Variants in KCNMB3 observed in about 807,000 individuals in gnomAD.
KCNMB3 encodes the protein calcium-activated potassium channel subunit beta-3.
Under a neutral mutation model 11.9 loss-of-function variants are expected in KCNMB3, and 18 were observed. The ratio of observed to expected loss-of-function variants is 1.51; its 90% CI spans 1.04 to 2.23. The LOEUF (loss-of-function observed/expected upper bound fraction) is 2.23, where lower values mean the gene tolerates loss of function less well. Among genes scored for constraint, KCNMB3 ranks in the 30% most tolerant of loss-of-function variants. The probability of loss-of-function intolerance (pLI) is 0.00; values close to 1 mark genes in which losing one functional copy is unlikely to be tolerated. For missense variants in KCNMB3, 247 were observed against 329.4 expected, an observed-to-expected ratio of 0.75 and a Z score of 1.94; for synonymous variants, 78 against 119.2, an observed-to-expected ratio of 0.65 and a Z score of 2.25.
chr3:179,260,155 G>A (rs1183394611), intron 1 of KCNMB3: 4 of 1,609,880 alleles, frequency 2.5e-6, no homozygotes, highest in Non-Finnish European at 3.4e-6. Context: ...TCTCCAACCT[G>A]AGTCACCGCT....
At position 179,242,941 on chromosome 3, in the gene KCNMB3, A is replaced by G. The variant is rs3908107; in HGVS notation, c.791T>C (p.Ile264Thr). ...YIEQHQFKLC[I>T]MRRSKGRAEK... ...TGCTCTTCCTTTGCTCCTCCTCATAATGCACAGTTTGAACTGATGCTGTTC... is the reference window on the plus strand; with the variant it reads ...TGCTCTTCCTTTGCTCCTCCTCATAGTGCACAGTTTGAACTGATGCTGTTC... The change falls in exon 3 of 3, where the codon ATT becomes ACT. Residue 264 changes from isoleucine (I) to threonine (T), a missense_variant. By Grantham distance (89) the Ile-to-Thr change is moderately conservative. This residue lies in a region of KCNMB3 where 87 missense variants were observed against 171.9 expected (regional missense o/e 0.51). Coordinates refer to ENST00000392685, the MANE Select transcript of KCNMB3 (RefSeq NM_171830.2). 6.2e-7 allele frequency: 1 copy of G among 1,610,872 alleles called. No homozygotes were observed. The highest frequency in any genetic ancestry group is 1.1e-5 in the South Asian group (1 of 90,140).
rs761480860 is a variant in KCNMB3 at position 179,250,702 on chromosome 3, T to C, written c.248+41A>G. On this transcript the variant is annotated intron_variant, in intron 1 of 2. Coordinates refer to ENST00000392685, the MANE Select transcript of KCNMB3 (RefSeq NM_171830.2). The stretch of plus-strand genomic sequence containing the variant: ...CCTTTACCGCTGTGCCTGGATCTTA[T>C]CTGAATTGGAAACTCTAGATTTCCT... 3.1e-6 allele frequency: 5 copies of C among 1,602,454 alleles called. No homozygotes were observed. In the African/African-American group the frequency reaches 4.0e-5, roughly 13 times the overall value.
intron 1 of KCNMB3, among the ~76,000 whole-genome samples, chr3:179,263,296 A>G (rs1726278252): frequency 6.6e-6 from 1 of 152,204 alleles, no homozygotes; most frequent in African/African-American, 2.4e-5. Flanking sequence ...CCGGTCGGCC[A>G]CTCGGAGTGC....
intron 1 of KCNMB3, among the ~76,000 whole-genome samples, chr3:179,262,344 C>T (rs1480506044): frequency 6.6e-6 from 1 of 152,216 alleles, no homozygotes. Flanking sequence ...AGCCGCGGAC[C>T]TTCGCAGTGA....
intron 1 of KCNMB3, among the ~76,000 whole-genome samples, chr3:179,256,872 G>C (rs1726027233): frequency 1.3e-5 from 2 of 152,154 alleles, no homozygotes; most frequent in Non-Finnish European, 2.9e-5. Context: ...TTAAAAGATA[G>C]AGAGTAGGGC....
At chr3:179,251,853 C>G (rs990730668), upstream of KCNMB3, among the ~76,000 whole-genome samples, 2 of 152,114 alleles carry the variant, frequency 1.3e-5, no homozygotes, top group Admixed American at 6.6e-5. Context: ...TCCCTAGTAG[C>G]TGGGATTACA....
rs1194043295 is a variant in KCNMB3 at position 179,243,072 on chromosome 3, A to T, written c.660T>A (p.Gly220=). 3.2e-6 allele frequency: 5 copies of T among 1,580,524 alleles called. No homozygotes were observed. Among genetic ancestry groups the T allele is most frequent in the Middle Eastern group, 1.7e-4 (1 of 5,884 alleles). The change falls in exon 3 of 3, where the codon GGT becomes GGA. Residue 220 remains glycine (G), a synonymous_variant. Coordinates refer to ENST00000392685, the MANE Select transcript of KCNMB3 (RefSeq NM_171830.2). ...LFWPSLTLLG[G]ALIVGMVRLT... ...ATCTCACCATGCCAACAATCAGGGCACCACCTAGCAGAGTCAGTGAAGGCC... is the reference window on the plus strand; with the variant it reads ...ATCTCACCATGCCAACAATCAGGGCTCCACCTAGCAGAGTCAGTGAAGGCC...
upstream of KCNMB3, among the ~76,000 whole-genome samples, chr3:179,256,141 G>A (rs1251382364): frequency 2.6e-5 from 4 of 152,260 alleles, no homozygotes; most frequent in South Asian, 8.3e-4. Context: ...GGTAAGTAAA[G>A]ATATTAACTC....
Position 179,242,830 on chromosome 3 carries a change from G to C in KCNMB3, c.*74C>G. The C allele has an allele frequency of 6.7e-7, 1 of 1,488,678 alleles. No homozygotes were observed. The highest frequency in any genetic ancestry group is 8.9e-7 in the Non-Finnish European group (1 of 1,120,516). 92.2% of individuals were successfully genotyped at this position (1,488,678 alleles called of 1,614,324 possible). A position where few individuals can be genotyped will look rare whatever the true frequency, so the allele number is the denominator to read the frequency against. ...TTACCTTTTACATTATTAGTTTGCA[G>C]ACAGGCATAATTAGGTCCTCAGTTG... is the stretch of plus-strand genomic sequence containing the variant. On this transcript the variant is annotated 3_prime_UTR_variant, in exon 3 of 3. Coordinates refer to ENST00000392685, the MANE Select transcript of KCNMB3 (RefSeq NM_171830.2).
intron 1 of KCNMB3, among the ~76,000 whole-genome samples, chr3:179,261,481 G>A (rs1481485785): frequency 6.6e-6 from 1 of 151,688 alleles, no homozygotes; most frequent in Non-Finnish European, 1.5e-5. Flanking sequence ...CGGCAGGGGC[G>A]GGGCGTAGGT....
chr3:179,245,593 G>A (rs959442079), intron 1 of KCNMB3, among the ~76,000 whole-genome samples: 2 of 152,036 alleles, frequency 1.3e-5, no homozygotes, highest in African/African-American at 2.4e-5. Flanking sequence ...TCCGCCTTCT[G>A]GTTTCAAGCG....
chr3:179,264,051 C>T (rs1466703153), intron 1 of KCNMB3, among the ~76,000 whole-genome samples: 2 of 152,070 alleles, frequency 1.3e-5, no homozygotes, highest in East Asian at 1.9e-4. Context: ...GGTGATCCAC[C>T]TGCCTCGGCC....
downstream of KCNMB3, chr3:179,240,043 C>G: frequency 6.5e-7 from 1 of 1,547,206 alleles, no homozygotes; most frequent in Non-Finnish European, 8.7e-7. Context: ...TTTTCTTTAA[C>G]TCTGCAGTCT....
upstream of KCNMB3, chr3:179,251,265 A>T (rs1576958976): frequency 6.8e-7 from 1 of 1,466,386 alleles, no homozygotes; most frequent in Non-Finnish European, 9.0e-7. Context: ...TCTTTCAGGG[A>T]TATTGCACGT....
At chr3:179,260,810 C>T (rs984299668) in intron 1 of KCNMB3, 10 of 1,337,782 alleles carry the variant, frequency 7.5e-6, no homozygotes, top group South Asian at 1.2e-5. Context: ...TTCGTACTGC[C>T]GCCTATATTC....
upstream of KCNMB3, among the ~76,000 whole-genome samples, chr3:179,252,709 T>G (rs977111684): frequency 6.6e-6 from 1 of 151,664 alleles, no homozygotes; most frequent in Non-Finnish European, 1.5e-5. Flanking sequence ...GGAAAAAAAA[T>G]TTAATGAAAT....
Position 179,243,051 on chromosome 3 carries a change from C to T in KCNMB3, c.681G>A (p.Val227=). Residue 227 remains valine, a synonymous_variant, in exon 3 of 3, where the codon GTG becomes GTA. Coordinates refer to ENST00000392685, the MANE Select transcript of KCNMB3 (RefSeq NM_171830.2). ...LLGGALIVGM[V]RLTQHLSLLC... ...GTAAGGACAGGTGTTGTGTTAATCTCACCATGCCAACAATCAGGGCACCAC... is the reference window on the plus strand; with the variant it reads ...GTAAGGACAGGTGTTGTGTTAATCTTACCATGCCAACAATCAGGGCACCAC... The T allele has an allele frequency of 6.3e-7, 1 of 1,591,558 alleles. No homozygotes were observed. The highest frequency in any genetic ancestry group is 8.6e-7 in the Non-Finnish European group (1 of 1,168,792).
At chr3:179,249,147 G>C (rs1159903332) in intron 1 of KCNMB3, among the ~76,000 whole-genome samples, 1 of 150,708 alleles carries the variant, frequency 6.6e-6, no homozygotes, top group Non-Finnish European at 1.5e-5. Context: ...TGAGTAGCTG[G>C]GACTACAGGT....
chr3:179,258,811 A>T, intron 1 of KCNMB3: 2 of 1,363,122 alleles, frequency 1.5e-6, no homozygotes, highest in Non-Finnish European at 2.0e-6. Context: ...ACTGATAACA[A>T]ATATGTCTTT....
Sources: gnomAD v4.1 joint callset for allele counts (sites outside exome capture counted in the v4.1 genomes callset) on GRCh38, gnomAD v4.1.1 for gene constraint, gnomAD v4.1.1 regional missense constraint, MANE v1.5 for transcripts, NCBI Gene and HGNC (gene_info 2026-07-23, HGNC 2026-07-21) for gene names.